Variants in ACOX3 observed in about 807,000 individuals in gnomAD.
The protein encoded by ACOX3 is peroxisomal acyl-coenzyme A oxidase 3.
ACOX3 carries 73 observed loss-of-function variants against 81.5 expected under a neutral mutation model. That is an observed-to-expected ratio of 0.90 (90% CI 0.74 to 1.09). ACOX3 has a LOEUF of 1.09. ACOX3 is among the 50% of genes least tolerant of loss of function. ACOX3 has a pLI of 0.00. For missense variants in ACOX3, 947 were observed against 928.0 expected, an observed-to-expected ratio of 1.02 and a Z score of -0.27; for synonymous variants, 387 against 375.1, an observed-to-expected ratio of 1.03 and a Z score of -0.37.
At chr4:8,417,297 T>G (rs1257004218) in intron 1 of ACOX3, among the ~76,000 whole-genome samples, 1 of 152,204 alleles carries the variant, frequency 6.6e-6, no homozygotes, top group Non-Finnish European at 1.5e-5. Context: ...AAGAGGAACT[T>G]TTGAGTCCTT....
chr4:8,359,266 A>G, the ACOX3 span, among the ~76,000 whole-genome samples: 2 of 152,178 alleles, frequency 1.3e-5, no homozygotes, highest in Admixed American at 1.3e-4. The surrounding 1 kb of genome is among the most constrained non-coding windows in gnomAD (Gnocchi z 6.0). Context: ...CCGACTTTGA[A>G]TAAGTGGTGG....
rs913360584 is a variant in ACOX3 at position 8,437,357 on chromosome 4, A to C, written c.-15+3291T>G. 6.6e-6 allele frequency among the ~76,000 whole-genome samples: 1 copy of C among 152,122 alleles called. No homozygotes were observed. The highest frequency in any genetic ancestry group is 3.4e-3 in the Middle Eastern group (1 of 294). On this transcript the variant is annotated intron_variant, in intron 1 of 17. Coordinates refer to ENST00000356406, the MANE Select transcript of ACOX3 (RefSeq NM_003501.3). The surrounding 1 kb of genome is among the most constrained non-coding windows in gnomAD (Gnocchi z 5.2). ...TCTCCCCGGCTCAGCTCTATCTAGA[A>C]AAAAAGAGGAGGCTAGAGACCGGTG...
intron 17 of ACOX3, among the ~76,000 whole-genome samples, chr4:8,367,419 GT>G (rs1715596235): frequency 6.6e-6 from 1 of 152,072 alleles, no homozygotes; most frequent in Non-Finnish European, 1.5e-5. Flanking sequence ...GGAGGTAGAG[GT>G]TTCAGTGAGC....
At chr4:8,411,164 C>G (rs374723656) in intron 5 of ACOX3, among the ~76,000 whole-genome samples, 1 of 152,154 alleles carries the variant, frequency 6.6e-6, no homozygotes, top group Non-Finnish European at 1.5e-5. Context: ...CAAAGATGAG[C>G]GCCTTCAGGC....
intron 16 of ACOX3, 85 bp downstream of exon 16, chr4:8,373,476 G>GC (rs199896045): frequency 7.0e-6 from 10 of 1,427,540 alleles, no homozygotes; most frequent in African/African-American, 2.9e-5. Flanking sequence ...GTGCGTGTCG[G>GC]TCTGGGTGAT....
At chr4:8,429,472 G>A (rs1010259925) in intron 1 of ACOX3, among the ~76,000 whole-genome samples, 2 of 152,210 alleles carry the variant, frequency 1.3e-5, no homozygotes, top group African/African-American at 4.8e-5. Context: ...CGGGGCTTTG[G>A]GCGTTATCAA....
chr4:8,370,855 G>T lies in ACOX3; in HGVS notation c.1983+53C>A. 3 of 1,538,948 alleles carry T rather than the reference G, an allele frequency of 1.9e-6. No individual in the cohort carries two copies. Among genetic ancestry groups the T allele is most frequent in the Non-Finnish European group, 2.7e-6 (3 of 1,115,224 alleles). On this transcript the variant is annotated intron_variant, in intron 17 of 17. Transcript: ENST00000356406. This position sits in a 1 kb window ranked among gnomAD's most constrained non-coding sequence, Gnocchi z 6.3. ...CCCACAGGAGCATCTCAGCTCCGCA[G>T]AAATGCCCATCAACCCTTGGGGCAC...
intron 1 of ACOX3, among the ~76,000 whole-genome samples, chr4:8,427,574 G>A (rs1421212719): frequency 2.6e-5 from 4 of 152,210 alleles, no homozygotes; most frequent in Non-Finnish European, 5.9e-5. Context: ...TCCTAATTGA[G>A]GTGAACACTA....
At chr4:8,388,729 G>T (rs951122869) in intron 13 of ACOX3, among the ~76,000 whole-genome samples, 3 of 152,216 alleles carry the variant, frequency 2.0e-5, no homozygotes, top group African/African-American at 7.2e-5. Context: ...CGGGAGGTGC[G>T]CCAGGGCGGG....
At chr4:8,395,251 G>A (rs1001046435) in intron 9 of ACOX3, among the ~76,000 whole-genome samples, 1 of 141,142 alleles carries the variant, frequency 7.1e-6, no homozygotes, top group African/African-American at 2.5e-5. Context: ...GTTGGATGGG[G>A]GGGTGGGTGG....
At position 8,400,927 on chromosome 4, in the gene ACOX3, A is replaced by C. The variant is rs1560187929; in HGVS notation, c.777-1275T>G. ...GTAACACATAATGAAATGATTATAC[A>C]ATTAGCCATAATGCAAAATTGCAAA... On this transcript the variant is annotated intron_variant, in intron 7 of 17. Coordinates refer to ENST00000356406, the MANE Select transcript of ACOX3 (RefSeq NM_003501.3). This position sits in a 1 kb window ranked among gnomAD's most constrained non-coding sequence, Gnocchi z 4.4. 6.6e-6 allele frequency among the ~76,000 whole-genome samples: 1 copy of C among 151,184 alleles called. No individual in the cohort carries two copies. The highest frequency in any genetic ancestry group is 1.5e-5 in the Non-Finnish European group (1 of 67,930).
rs1722079304 is a variant in ACOX3, at chr4:8,414,161, T to G, written c.543+131A>C. 1 of 772,820 alleles carries G rather than the reference T, an allele frequency of 1.3e-6. No individual in the cohort carries two copies. The highest frequency in any genetic ancestry group is 2.2e-6 in the Non-Finnish European group (1 of 459,846). The allele number at this position is 772,820 out of a possible 1,614,324, so 47.9% of individuals were successfully genotyped here. A position where few individuals can be genotyped will look rare whatever the true frequency, so the allele number is the denominator to read the frequency against. ...TCAGTGTGATGAATCTCAGTGGGTA[T>G]TTCTACACAAGTGTATGTGGACAGG... On this transcript the variant is annotated intron_variant, in intron 5 of 17. Coordinates refer to ENST00000356406, the MANE Select transcript of ACOX3 (RefSeq NM_003501.3). The surrounding 1 kb of genome is among the most constrained non-coding windows in gnomAD (Gnocchi z 6.1).
intron 6 of ACOX3, among the ~76,000 whole-genome samples, chr4:8,409,424 T>C (rs1340307163): frequency 7.3e-6 from 1 of 136,636 alleles, no homozygotes; most frequent in African/African-American, 2.7e-5. Flanking sequence ...GGGCTGCCTA[T>C]GCACCCTGGA....
rs772491222 is a variant in ACOX3 at position 8,382,092 on chromosome 4, C to T, written c.1538-485G>A. Among the ~76,000 whole-genome samples the T allele has an allele frequency of 6.6e-6, 1 of 152,192 alleles. No individual in the cohort carries two copies. The highest frequency in any genetic ancestry group is 1.5e-5 in the Non-Finnish European group (1 of 68,022). On this transcript the variant is annotated intron_variant, in intron 13 of 17. Transcript: ENST00000356406. This position sits in a 1 kb window ranked among gnomAD's most constrained non-coding sequence, Gnocchi z 4.1. The stretch of plus-strand genomic sequence containing the variant: ...CCCCTGCCTGGCCCTTGGACCTCAC[C>T]GCATGCTGGAGCTGTGGAACTGGGG...
intron 1 of ACOX3, among the ~76,000 whole-genome samples, chr4:8,417,198 G>A (rs1364414657): frequency 2.6e-5 from 4 of 152,268 alleles, no homozygotes; most frequent in African/African-American, 9.6e-5. Flanking sequence ...CTTGGCTGAT[G>A]AAGGCATTGA....
At chr4:8,424,969 A>G (rs1419034476) in intron 1 of ACOX3, among the ~76,000 whole-genome samples, 1 of 152,212 alleles carries the variant, frequency 6.6e-6, no homozygotes, top group Non-Finnish European at 1.5e-5. Context: ...AATAGCCCTC[A>G]CTCAGGCACT....
chr4:8,356,709 C>T, the ACOX3 span: 288 of 454,986 alleles, frequency 6.3e-4, 6 homozygotes, highest in African/African-American at 2.1e-3. Context: ...GAACTGTGCA[C>T]GCTAACATGA....
rs375050924 is a variant in ACOX3, at chr4:8,410,269, A to G, written c.630T>C (p.Phe210=). The G allele has an allele frequency of 7.4e-6, 12 of 1,614,010 alleles. No individual in the cohort carries two copies. The African/African-American group carries it at 1.5e-4, about 20-fold the overall frequency. ...GGTCCCCTGGCACACACAGCTTAGC[A>G]AACACCACCGCGTGAGTGGCTGTCT... ...MGKTATHAVV[F]AKLCVPGDQC... is the part of the protein sequence containing the mutation. The change falls in exon 6 of 18, where the codon TTT becomes TTC. Residue 210 remains phenylalanine, a synonymous_variant. Transcript: ENST00000356406.
chr4:8,363,658 A>T (rs1443523960), downstream of ACOX3, among the ~76,000 whole-genome samples: 2 of 152,226 alleles, frequency 1.3e-5, no homozygotes, highest in Admixed American at 1.3e-4. Context: ...ACTGGGCTGC[A>T]TTCCCAGACA....
Sources: gnomAD v4.1 joint callset for allele counts (sites outside exome capture counted in the v4.1 genomes callset) on GRCh38, gnomAD v4.1.1 for gene constraint, Gnocchi (gnomAD v3.1) non-coding constraint, MANE v1.5 for transcripts, NCBI Gene and HGNC (gene_info 2026-07-23, HGNC 2026-07-21) for gene names.